Variants in DLG2 observed in about 807,000 individuals in gnomAD.
The protein encoded by DLG2 is discs large MAGUK scaffold protein 2, also known as disks large homolog 2.
A neutral mutation model predicts 132.5 loss-of-function variants in DLG2; 45 were observed. That is an observed-to-expected ratio of 0.34 (90% CI 0.27 to 0.44). The LOEUF (loss-of-function observed/expected upper bound fraction) is 0.44. Ranked by LOEUF, DLG2 falls within the 20% of genes least tolerant of loss-of-function variation. DLG2 has a pLI of 1.00. For missense variants in DLG2, 1,045 were observed against 1,196.9 expected, an observed-to-expected ratio of 0.87 and a Z score of 1.87; for synonymous variants, 424 against 419.6, an observed-to-expected ratio of 1.01 and a Z score of -0.13.
At chr11:83,850,162 T>TGTGTGTGTGTGTGTGTGTGTGTGTGTGTG (rs59045992) in intron 16 of DLG2, among the ~76,000 whole-genome samples, 4 of 115,512 alleles carry the variant, frequency 3.5e-5, no homozygotes, top group Non-Finnish European at 6.9e-5. Context: ...GTGTGTGTGT[T>TGTGTGTGTGTGTGTGTGTGTGTGTGTGTG]TTTTTACTTG....
chr11:85,177,985 G>C (rs1036253671), intron 4 of DLG2, among the ~76,000 whole-genome samples: 1 of 151,930 alleles, frequency 6.6e-6, no homozygotes, highest in African/African-American at 2.4e-5. Flanking sequence ...TCAAGGTCTT[G>C]AAAGACAAAG....
rs149404423 is a variant in DLG2, at chr11:83,959,426, T to G, written c.1340+3459A>C. 4.5e-3 allele frequency among the ~76,000 whole-genome samples: 682 copies of G among 152,234 alleles called. 5 individuals are homozygous for G. Among genetic ancestry groups the G allele is most frequent in the African/African-American group, 0.015 (609 of 41,580 alleles). Reference sequence around the variant, plus strand: ...TGGGAAAGTTCCCATTTCACAGACATGTTTCCCTACTGGCCCAAGTTCCGT... The same window carrying G: ...TGGGAAAGTTCCCATTTCACAGACAGGTTTCCCTACTGGCCCAAGTTCCGT... On this transcript the variant is annotated intron_variant, in intron 14 of 27. Coordinates refer to ENST00000376104, the MANE Select transcript of DLG2 (RefSeq NM_001142699.3).
intron 6 of DLG2, among the ~76,000 whole-genome samples, chr11:85,063,995 G>T (rs1430294625): frequency 6.6e-6 from 1 of 151,628 alleles, no homozygotes; most frequent in African/African-American, 2.4e-5. Context: ...TGAGAAAAAA[G>T]GGAAAATAAA....
intron 18 of DLG2, among the ~76,000 whole-genome samples, chr11:83,681,264 TTC>T (rs1314835838): frequency 2.0e-5 from 3 of 152,158 alleles, no homozygotes; most frequent in Non-Finnish European, 4.4e-5. Flanking sequence ...CAGCTTTCAC[TTC>T]TCTTTCCTTC....
intron 6 of DLG2, among the ~76,000 whole-genome samples, chr11:84,729,513 T>C (rs565356091): frequency 2.6e-4 from 39 of 152,280 alleles, no homozygotes; most frequent in African/African-American, 8.4e-4. Context: ...TGGTTAATTT[T>C]AGAATAAGTG....
chr11:85,253,980 C>A (rs1198020181), intron 4 of DLG2, among the ~76,000 whole-genome samples: 1 of 152,130 alleles, frequency 6.6e-6, no homozygotes, highest in Non-Finnish European at 1.5e-5. Flanking sequence ...GCCAGCTGAG[C>A]CTTGGGTTTT....
intron 7 of DLG2, among the ~76,000 whole-genome samples, chr11:84,321,066 A>G (rs1490765111): frequency 6.6e-6 from 1 of 152,226 alleles, no homozygotes; most frequent in East Asian, 1.9e-4. Context: ...GTGCTAAACT[A>G]TACTTCTACC....
chr11:84,808,280 A>T (rs11820382), intron 6 of DLG2, among the ~76,000 whole-genome samples: 2,138 of 152,216 alleles, frequency 0.014, 63 homozygotes, highest in African/African-American at 0.048. Context: ...TACACATTTC[A>T]GTGACTGAAA....
chr11:84,631,018 T>TCTCTCA lies in DLG2; in HGVS notation c.358-96288_358-96287insTGAGAG, dbSNP rs1217703556. Among the ~76,000 whole-genome samples the TCTCTCA allele has an allele frequency of 4.8e-3, 448 of 94,300 alleles. 5 individuals are homozygous for TCTCTCA. Among genetic ancestry groups the TCTCTCA allele is most frequent in the Admixed American group, 0.012 (93 of 7,642 alleles). The allele number at this position is 94,300 out of a possible 152,430, so 61.9% of individuals were successfully genotyped here. The stretch of plus-strand genomic sequence containing the variant: ...CTCTCTCTCTCTCTCTCTCTCTCTC[T>TCTCTCA]CACACACACACACACACACACACAC... On this transcript the variant is annotated intron_variant, in intron 6 of 27. Transcript: ENST00000376104.
intron 6 of DLG2, among the ~76,000 whole-genome samples, chr11:84,869,071 T>C (rs1238781475): frequency 2.0e-5 from 3 of 152,220 alleles, no homozygotes; most frequent in Admixed American, 6.5e-5. Flanking sequence ...AAAATGTACA[T>C]TTAGGTTCCT....
At chr11:83,910,456 C>T (rs946364529) in intron 15 of DLG2, among the ~76,000 whole-genome samples, 4 of 152,054 alleles carry the variant, frequency 2.6e-5, no homozygotes, top group Admixed American at 6.6e-5. Flanking sequence ...CTGGAAGCAC[C>T]GTGGAGAACT....
At chr11:83,633,388 C>T (rs1437374125) in intron 18 of DLG2, 63 bp from the exon 19 acceptor site, 2 of 1,298,496 alleles carry the variant, frequency 1.5e-6, no homozygotes, top group East Asian at 2.5e-5. Flanking sequence ...AAATGCTGCA[C>T]AGCCCAGGCA....
intron 11 of DLG2, among the ~76,000 whole-genome samples, chr11:84,053,479 T>C (rs1298100314): frequency 6.6e-6 from 1 of 151,986 alleles, no homozygotes; most frequent in African/African-American, 2.4e-5. Flanking sequence ...TTATATTAAA[T>C]ATTATATTAA....
In DLG2 at chr11:84,841,302, C is replaced by T. The variant is rs568417825; in HGVS notation, c.357+270359G>A. ...GTTTTGCTGTGCCTATTTTGTTTCCCGAAAGTTGGGTTGTGAAAGAAATAA... is the reference window on the plus strand; with the variant it reads ...GTTTTGCTGTGCCTATTTTGTTTCCTGAAAGTTGGGTTGTGAAAGAAATAA... On this transcript the variant is annotated intron_variant, in intron 6 of 27. Coordinates refer to ENST00000376104, the MANE Select transcript of DLG2 (RefSeq NM_001142699.3). Among the ~76,000 whole-genome samples the T allele has an allele frequency of 6.6e-5, 10 of 151,762 alleles. No homozygotes were observed. In the East Asian group the frequency reaches 7.8e-4, roughly 12 times the overall value.
chr11:83,772,187 C>A (rs191031959), intron 18 of DLG2, among the ~76,000 whole-genome samples: 110 of 152,076 alleles, frequency 7.2e-4, no homozygotes, highest in Admixed American at 7.1e-3. Context: ...GCAGGCAGAT[C>A]GCTTGAGCTC....
intron 18 of DLG2, among the ~76,000 whole-genome samples, chr11:83,754,805 T>C (rs767777294): frequency 6.6e-6 from 1 of 151,522 alleles, no homozygotes; most frequent in Non-Finnish European, 1.5e-5. Context: ...TGTGAGTTAG[T>C]TGGAGAAACA....
intron 6 of DLG2, among the ~76,000 whole-genome samples, chr11:84,830,956 C>CTA (rs2078964671): frequency 1.6e-5 from 1 of 63,126 alleles, no homozygotes; most frequent in Non-Finnish European, 3.5e-5. Context: ...TCTCCTCCCC[C>CTA]CACCCCCCCC....
intron 6 of DLG2, among the ~76,000 whole-genome samples, chr11:84,566,339 A>G (rs1481052445): frequency 6.6e-6 from 1 of 152,196 alleles, no homozygotes; most frequent in East Asian, 1.9e-4. Flanking sequence ...TTTCCCAGAT[A>G]CATACTATTG....
chr11:85,372,508 G>T (rs555797805), intron 3 of DLG2, among the ~76,000 whole-genome samples: 1 of 152,222 alleles, frequency 6.6e-6, no homozygotes, highest in Non-Finnish European at 1.5e-5. Flanking sequence ...GTATCTAAGG[G>T]ATCCAGAAGC....
Sources: gnomAD v4.1 joint callset for allele counts (sites outside exome capture counted in the v4.1 genomes callset) on GRCh38, gnomAD v4.1.1 for gene constraint, MANE v1.5 for transcripts, NCBI Gene and HGNC (gene_info 2026-07-23, HGNC 2026-07-21) for gene names.